The following KAZN variants were observed in gnomAD, a reference collection of about 807,000 sequenced individuals.
KAZN encodes kazrin.
Under a neutral mutation model 87.4 loss-of-function variants are expected in KAZN, and 40 were observed. The observed-to-expected ratio is 0.46, with a 90% CI of 0.36 to 0.60. KAZN has a LOEUF of 0.60. Ranked by LOEUF, KAZN falls within the 20% of genes least tolerant of loss-of-function variation. The pLI is 0.00. For missense variants in KAZN, 898 were observed against 1,073.9 expected, an observed-to-expected ratio of 0.84 and a Z score of 2.29; for synonymous variants, 466 against 458.3, an observed-to-expected ratio of 1.02 and a Z score of -0.22.
chr1:14,279,144 T>C (rs913468554), intron 2 of KAZN, among the ~76,000 whole-genome samples: 1 of 152,136 alleles, frequency 6.6e-6, no homozygotes, highest in Non-Finnish European at 1.5e-5. Flanking sequence ...ATATTACTTA[T>C]TTAAATGTAG....
chr1:14,711,641 A>T (rs1642493951), intron 1 of KAZN, among the ~76,000 whole-genome samples: 1 of 152,192 alleles, frequency 6.6e-6, no homozygotes, highest in Non-Finnish European at 1.5e-5. Flanking sequence ...TCGATGAAGC[A>T]GTGTGCCATG....
chr1:14,141,028 C>A (rs1349982211), intron 1 of KAZN, among the ~76,000 whole-genome samples: 1 of 152,024 alleles, frequency 6.6e-6, no homozygotes, highest in African/African-American at 2.4e-5. Context: ...GTCCCTGTGG[C>A]CCTGGAGGAA....
intron 2 of KAZN, among the ~76,000 whole-genome samples, chr1:14,494,162 G>A (rs1669820220): frequency 6.6e-6 from 1 of 152,170 alleles, no homozygotes. Flanking sequence ...CACTGAATTA[G>A]TCTCAGGAGC....
intron 2 of KAZN, among the ~76,000 whole-genome samples, chr1:14,224,676 G>T (rs546675775): frequency 6.6e-6 from 1 of 152,274 alleles, no homozygotes; most frequent in South Asian, 2.1e-4. Context: ...CTGTAGGGAT[G>T]CCTCAAGAAT....
chr1:14,463,322 CT>C (rs1486557390), intron 2 of KAZN, among the ~76,000 whole-genome samples: 1 of 152,144 alleles, frequency 6.6e-6, no homozygotes, highest in Non-Finnish European at 1.5e-5. Flanking sequence ...TTCACTTTAT[CT>C]TGTCTGGACC....
chr1:14,689,362 C>T (rs111713673), intron 1 of KAZN, among the ~76,000 whole-genome samples: 2,840 of 152,246 alleles, frequency 0.019, 91 homozygotes, highest in African/African-American at 0.062. Context: ...TAACAAAGGG[C>T]GTGAGGGTCT....
rs561985979 is a variant in KAZN, at chr1:14,966,051, C to T, written c.418+5176C>T. On this transcript the variant is annotated intron_variant, in intron 2 of 14. Coordinates refer to ENST00000376030, the MANE Select transcript of KAZN (RefSeq NM_201628.3). ...CTTGAGTGCAGGGGCGTGACCTCGG[C>T]TCACTGCAACCTCCGCCTCCTGGGT... is the stretch of plus-strand genomic sequence containing the variant. 8.0e-4 allele frequency among the ~76,000 whole-genome samples: 117 copies of T among 145,898 alleles called. 1 individual carries two copies. Among genetic ancestry groups the T allele is most frequent in the African/African-American group, 3.0e-3 (115 of 38,694 alleles).
chr1:14,847,532 G>A (rs1332617870), intron 1 of KAZN, among the ~76,000 whole-genome samples: 1 of 152,240 alleles, frequency 6.6e-6, no homozygotes, highest in Non-Finnish European at 1.5e-5. Flanking sequence ...AGTGAGCTAT[G>A]TACATCTGCG....
chr1:13,899,055 CT>C (rs1388894158), intron 1 of KAZN, among the ~76,000 whole-genome samples: 2 of 152,216 alleles, frequency 1.3e-5, no homozygotes, highest in African/African-American at 4.8e-5. Context: ...GGGAGCACAG[CT>C]TTAAGGTTTC....
intron 2 of KAZN, among the ~76,000 whole-genome samples, chr1:14,400,461 T>A (rs1178292620): frequency 6.6e-6 from 1 of 152,194 alleles, no homozygotes. Context: ...TGTGCAGATG[T>A]GTGGTCCAAG....
chr1:14,944,672 G>A lies in KAZN; in HGVS notation c.227-16012G>A, dbSNP rs1487340388. ...TCCTATGTGACCCAGCTGAGTCATGGTGCTGTTCCCGGGGCCTTGGGGTTG... is the reference window on the plus strand; with the variant it reads ...TCCTATGTGACCCAGCTGAGTCATGATGCTGTTCCCGGGGCCTTGGGGTTG... On this transcript the variant is annotated intron_variant, in intron 1 of 14. Transcript: ENST00000376030. Among the ~76,000 whole-genome samples the A allele has an allele frequency of 4.6e-5, 7 of 152,360 alleles. No individual in the cohort carries two copies. In the East Asian group the frequency reaches 9.6e-4, roughly 21 times the overall value.
rs138761525 is a variant in KAZN, at chr1:14,088,458, G to A, written c.92-91977G>A. 6.5e-3 allele frequency among the ~76,000 whole-genome samples: 995 copies of A among 151,956 alleles called. 10 individuals are homozygous for A. In the South Asian group the frequency reaches 0.066, roughly 10 times the overall value. On this transcript the variant is annotated intron_variant, in intron 1 of 16. Coordinates refer to the KAZN transcript ENST00000636203. Reference sequence around the variant, plus strand: ...AAGATTTTCCAGATATCTTTCTGTTGTTTTGTCATAGATTTTTAATTCAGT... The same window carrying A: ...AAGATTTTCCAGATATCTTTCTGTTATTTTGTCATAGATTTTTAATTCAGT...
chr1:14,956,021 CTGAAAT>C (rs1449785888), intron 1 of KAZN, among the ~76,000 whole-genome samples: 1 of 152,186 alleles, frequency 6.6e-6, no homozygotes, highest in African/African-American at 2.4e-5. Flanking sequence ...TGTTGTTTAT[CTGAAAT>C]TCAAATCTAA....
intron 1 of KAZN, among the ~76,000 whole-genome samples, chr1:14,013,505 T>G (rs1025901813): frequency 3.3e-5 from 5 of 152,178 alleles, no homozygotes; most frequent in African/African-American, 1.2e-4. Flanking sequence ...CAGCAAGGAC[T>G]TGGCTGCTGT....
At chr1:14,639,884 C>T (rs2294886) in intron 1 of KAZN, among the ~76,000 whole-genome samples, 65,967 of 151,934 alleles carry the variant, frequency 0.43, 15,937 homozygotes, top group East Asian at 0.54. Flanking sequence ...CTGTGAACCT[C>T]GCCGACTCCC....
intron 2 of KAZN, among the ~76,000 whole-genome samples, chr1:14,410,712 CAGAAG>C (rs2101190288): frequency 6.6e-6 from 1 of 152,270 alleles, no homozygotes; most frequent in East Asian, 1.9e-4. Flanking sequence ...CAGACACACA[CAGAAG>C]AGAAGGGCAA....
intron 1 of KAZN, among the ~76,000 whole-genome samples, chr1:14,635,115 G>A (rs1679866457): frequency 6.6e-6 from 1 of 152,194 alleles, no homozygotes; most frequent in African/African-American, 2.4e-5. Flanking sequence ...TGTTTGTACT[G>A]GTGCAGACTA....
intron 1 of KAZN, among the ~76,000 whole-genome samples, chr1:14,669,556 C>A: frequency 6.6e-6 from 1 of 151,822 alleles, no homozygotes; most frequent in East Asian, 1.9e-4. Flanking sequence ...ACAGCCTGGG[C>A]AACATATCAA....
At chr1:14,973,636 G>A (rs888563705) in intron 2 of KAZN, among the ~76,000 whole-genome samples, 1 of 152,190 alleles carries the variant, frequency 6.6e-6, no homozygotes, top group African/African-American at 2.4e-5. Context: ...ATAAGGAAAG[G>A]AATGTGAGCT....
Sources: gnomAD v4.1 joint callset for allele counts (sites outside exome capture counted in the v4.1 genomes callset) on GRCh38, gnomAD v4.1.1 for gene constraint, MANE v1.5 for transcripts, NCBI Gene and HGNC (gene_info 2026-07-23, HGNC 2026-07-21) for gene names.